The following KLF8 variants were observed in gnomAD, a reference collection of about 807,000 sequenced individuals.
The protein encoded by KLF8 is KLF transcription factor 8, also known as Krueppel-like factor 8.
A neutral mutation model predicts 18.2 loss-of-function variants in KLF8; 10 were observed. The ratio of observed to expected loss-of-function variants is 0.55; its 90% CI spans 0.34 to 0.93. The LOEUF is 0.93. KLF8 is among the 40% of genes least tolerant of loss of function. The pLI is 0.02. For synonymous variants in KLF8, 109 were observed against 97.3 expected, an observed-to-expected ratio of 1.12 and a Z score of -0.71; for missense variants, 264 against 277.9, an observed-to-expected ratio of 0.95 and a Z score of 0.36.
chrX:56,185,949 G>A, the KLF8 span, among the ~76,000 whole-genome samples: 8 of 112,099 alleles, frequency 7.1e-5, no homozygotes, highest in East Asian at 2.0e-3. Flanking sequence ...ATTGAGGCTA[G>A]GAAGTAACTG....
At chrX:56,103,252 T>A in the KLF8 span, among the ~76,000 whole-genome samples, 1 of 110,731 alleles carries the variant, frequency 9.0e-6, no homozygotes, top group Non-Finnish European at 1.9e-5. Flanking sequence ...GTGAAGAAAG[T>A]CATTGGTAGC....
At chrX:56,207,868 C>CA in the KLF8 span, among the ~76,000 whole-genome samples, 29 of 110,486 alleles carry the variant, frequency 2.6e-4, no homozygotes, top group Non-Finnish European at 5.1e-4. Context: ...AAGACATACC[C>CA]AAGACTGGGT....
chrX:55,931,143 A>G, the KLF8 span, among the ~76,000 whole-genome samples: 1 of 111,164 alleles, frequency 9.0e-6, no homozygotes, highest in African/African-American at 3.3e-5. Context: ...TGTGTCCAGG[A>G]GCTTATCCAT....
chrX:56,184,870 T>A, the KLF8 span, among the ~76,000 whole-genome samples: 1 of 112,058 alleles, frequency 8.9e-6, no homozygotes, highest in Non-Finnish European at 1.9e-5. Context: ...CAAAAACCCA[T>A]CTGTACATCA....
At chrX:55,924,571 G>T in the KLF8 span, among the ~76,000 whole-genome samples, 1 of 111,737 alleles carries the variant, frequency 8.9e-6, no homozygotes, top group Non-Finnish European at 1.9e-5. Context: ...CATGGCACAT[G>T]TTAGGCAGTC....
chrX:56,017,377 T>A, the KLF8 span, among the ~76,000 whole-genome samples: 6 of 112,515 alleles, frequency 5.3e-5, no homozygotes, highest in African/African-American at 1.6e-4. Flanking sequence ...TCCTGACCAA[T>A]GCTGAAAGCA....
At chrX:55,965,855 T>C in the KLF8 span, among the ~76,000 whole-genome samples, 1 of 112,091 alleles carries the variant, frequency 8.9e-6, no homozygotes, top group East Asian at 2.8e-4. Context: ...ACAATTAGAA[T>C]TGCAAAACAC....
At chrX:55,974,673 T>C in the KLF8 span, among the ~76,000 whole-genome samples, 1 of 112,543 alleles carries the variant, frequency 8.9e-6, no homozygotes, top group Non-Finnish European at 1.9e-5. Context: ...ACATATTATG[T>C]GCCAGGTACT....
At chrX:56,266,613 T>G (rs1450322888) in intron 3 of KLF8, 1 of 748,259 alleles carries the variant, frequency 1.3e-6, no homozygotes, top group Non-Finnish European at 1.6e-6. Context: ...ATAAATTAAG[T>G]CTCTCTTCCA....
chrX:55,967,377 CAAAT>C, the KLF8 span, among the ~76,000 whole-genome samples: 7 of 109,562 alleles, frequency 6.4e-5, no homozygotes, highest in African/African-American at 2.0e-4. Flanking sequence ...AGAAAAGAAA[CAAAT>C]AATATACAGT....
At chrX:56,281,226 C>T (rs764806646) in intron 5 of KLF8, among the ~76,000 whole-genome samples, 252 of 111,051 alleles carry the variant, frequency 2.3e-3, no homozygotes, top group Admixed American at 5.5e-3. Context: ...TCTCATAATA[C>T]TCTTGTAAGG....
the KLF8 span, among the ~76,000 whole-genome samples, chrX:55,966,531 G>A: frequency 1.8e-5 from 2 of 112,210 alleles, no homozygotes; most frequent in East Asian, 5.6e-4. Context: ...CTATGAGTCT[G>A]CAAGAACTAC....
At chrX:56,204,381 T>A in the KLF8 span, among the ~76,000 whole-genome samples, 3 of 111,789 alleles carry the variant, frequency 2.7e-5, no homozygotes, top group African/African-American at 9.7e-5. Flanking sequence ...AATAATTTGA[T>A]TTCTTCCCTT....
At chrX:56,135,578 T>A in the KLF8 span, among the ~76,000 whole-genome samples, 1 of 110,468 alleles carries the variant, frequency 9.1e-6, no homozygotes. Context: ...GAGGGATAGC[T>A]TTAGGAGATA....
the KLF8 span, among the ~76,000 whole-genome samples, chrX:56,016,163 C>A: frequency 9.0e-6 from 1 of 111,655 alleles, no homozygotes; most frequent in Admixed American, 9.6e-5. Context: ...ACTGTGTGAC[C>A]TTGGGCAAAT....
the KLF8 span, among the ~76,000 whole-genome samples, chrX:56,143,652 C>G: frequency 8.9e-6 from 1 of 111,885 alleles, no homozygotes; most frequent in East Asian, 2.8e-4. Context: ...CCAACCCTTA[C>G]CATTCTTTAC....
chrX:55,949,789 C>CA, the KLF8 span, among the ~76,000 whole-genome samples: 227 of 93,811 alleles, frequency 2.4e-3, no homozygotes, highest in Middle Eastern at 0.01. Flanking sequence ...GACTCCGTTT[C>CA]AAAAAAAAAA....
intron 5 of KLF8, among the ~76,000 whole-genome samples, chrX:56,276,371 G>T (rs993544041): frequency 9.0e-6 from 1 of 111,187 alleles, no homozygotes; most frequent in Non-Finnish European, 1.9e-5. Context: ...ATTTCTTATT[G>T]CTCATTAATG....
the KLF8 span, among the ~76,000 whole-genome samples, chrX:56,147,453 CAAA>C: frequency 9.0e-6 from 1 of 110,922 alleles, no homozygotes; most frequent in African/African-American, 3.3e-5. Context: ...TGTGCAAAAA[CAAA>C]AAACAAAACA....
Sources: gnomAD v4.1 joint callset for allele counts (sites outside exome capture counted in the v4.1 genomes callset) on GRCh38, gnomAD v4.1.1 for gene constraint, MANE v1.5 for transcripts, NCBI Gene and HGNC (gene_info 2026-07-23, HGNC 2026-07-21) for gene names.